The following CARMIL1 variants were observed in gnomAD, a reference collection of about 807,000 sequenced individuals.
CARMIL1 encodes F-actin-uncapping protein LRRC16A.
CARMIL1 carries 90 observed loss-of-function variants against 177.1 expected under a neutral mutation model. That is an observed-to-expected ratio of 0.51 (90% CI 0.43 to 0.61). The LOEUF (loss-of-function observed/expected upper bound fraction) is 0.61. CARMIL1 is among the 20% of genes least tolerant of loss of function. CARMIL1 has a pLI of 0.00. For missense variants in CARMIL1, 1,380 were observed against 1,667.0 expected, an observed-to-expected ratio of 0.83 and a Z score of 3.00; for synonymous variants, 577 against 606.2, an observed-to-expected ratio of 0.95 and a Z score of 0.71.
chr6:25,360,130 A>G (rs942771293), intron 2 of CARMIL1, among the ~76,000 whole-genome samples: 14 of 152,108 alleles, frequency 9.2e-5, no homozygotes, highest in Non-Finnish European at 1.9e-4. Flanking sequence ...GTCATTGTTC[A>G]TTGTCTTCCC....
At chr6:25,466,074 G>T (rs1371285898) in intron 9 of CARMIL1, 126 bp downstream of exon 9, 6 of 652,348 alleles carry the variant, frequency 9.2e-6, no homozygotes, top group Admixed American at 8.4e-5. Flanking sequence ...TCTTGAGGAG[G>T]TATTTTCCTT....
rs115430023 is a variant in CARMIL1 at position 25,355,293 on chromosome 6, A to G, written c.139-64821A>G. Among the ~76,000 whole-genome samples, 947 of 152,188 alleles carry G rather than the reference A, an allele frequency of 6.2e-3. 9 individuals carry two copies. Among genetic ancestry groups the G allele is most frequent in the African/African-American group, 0.019 (787 of 41,524 alleles). ...TCTTGGGCTAGACACCAGGAATACT[A>G]CTTTCCTCCTGATTACCTTTATTTT... On this transcript the variant is annotated intron_variant, in intron 2 of 36. Coordinates refer to ENST00000329474, the MANE Select transcript of CARMIL1 (RefSeq NM_017640.6).
chr6:25,340,777 G>GTTTTTTGTTTTT (rs1554167803), intron 2 of CARMIL1, among the ~76,000 whole-genome samples: 1 of 86,136 alleles, frequency 1.2e-5, no homozygotes, highest in African/African-American at 4.0e-5. Flanking sequence ...GTCAATGAAG[G>GTTTTTTGTTTTT]TTTTTTTTTT....
chr6:25,511,647 C>T (rs960086005), intron 20 of CARMIL1, among the ~76,000 whole-genome samples: 1 of 152,118 alleles, frequency 6.6e-6, no homozygotes, highest in Admixed American at 6.5e-5. Context: ...GTATCATTTT[C>T]CCTCCTGAAT....
intron 2 of CARMIL1, among the ~76,000 whole-genome samples, chr6:25,370,647 C>T (rs1790311776): frequency 6.6e-6 from 1 of 152,130 alleles, no homozygotes; most frequent in African/African-American, 2.4e-5. Flanking sequence ...TTGTCTGCCT[C>T]GTAGCTCTTC....
intron 8 of CARMIL1, chr6:25,452,003 C>CCCCACA: frequency 3.4e-6 from 1 of 294,088 alleles, no homozygotes; most frequent in Non-Finnish European, 6.9e-6. Context: ...CCTCCCCCCC[C>CCCCACA]CAGAATACTG....
chr6:25,397,876 A>G (rs1038905912), intron 2 of CARMIL1, among the ~76,000 whole-genome samples: 15 of 152,206 alleles, frequency 9.9e-5, no homozygotes, highest in African/African-American at 3.4e-4. Context: ...TAACATATAC[A>G]TAGATTTAAA....
At chr6:25,503,969 T>A (rs1340928549) in intron 17 of CARMIL1, among the ~76,000 whole-genome samples, 4 of 152,074 alleles carry the variant, frequency 2.6e-5, no homozygotes, top group Non-Finnish European at 5.9e-5. Context: ...GTGGGCTCCG[T>A]AAGAGCTCAA....
intron 13 of CARMIL1, 133 bp downstream of exon 13, chr6:25,488,718 G>A (rs1002627606): frequency 1.2e-5 from 9 of 736,694 alleles, no homozygotes; most frequent in African/African-American, 5.2e-5. Context: ...ATTTAGTTAC[G>A]AGCTTATGAA....
At chr6:25,614,894 T>C (rs1055248978) in intron 36 of CARMIL1, among the ~76,000 whole-genome samples, 1 of 152,244 alleles carries the variant, frequency 6.6e-6, no homozygotes, top group Non-Finnish European at 1.5e-5. Flanking sequence ...GTTCATGACC[T>C]CTTTAGCTTA....
chr6:25,574,166 A>G (rs1384069129), intron 29 of CARMIL1, among the ~76,000 whole-genome samples: 1 of 152,240 alleles, frequency 6.6e-6, no homozygotes, highest in African/African-American at 2.4e-5. Flanking sequence ...TCATTCAGAC[A>G]GGCTCCTATT....
intron 2 of CARMIL1, among the ~76,000 whole-genome samples, chr6:25,316,730 T>TA (rs1483613093): frequency 6.6e-6 from 1 of 152,084 alleles, no homozygotes; most frequent in African/African-American, 2.4e-5. Flanking sequence ...TAATTTTTTT[T>TA]AAAGACTAGT....
At chr6:25,537,643 G>A (rs1160301343) in intron 24 of CARMIL1, among the ~76,000 whole-genome samples, 2 of 152,210 alleles carry the variant, frequency 1.3e-5, no homozygotes, top group African/African-American at 4.8e-5. Flanking sequence ...TGGCATTAAA[G>A]TTGCCAAAGG....
chr6:25,485,022 G>T (rs954012649), intron 12 of CARMIL1, among the ~76,000 whole-genome samples: 1 of 152,110 alleles, frequency 6.6e-6, no homozygotes, highest in African/African-American at 2.4e-5. Context: ...GTGACAGAGT[G>T]AGAACCTGTC....
chr6:25,431,619 C>T lies in CARMIL1; in HGVS notation c.250-3864C>T, dbSNP rs534297923. Reference sequence around the variant, plus strand: ...TGGGATGGGAGCAGAAGGGCACTAGCGAAATGTTAATGCCAAGGTTATGTT... The same window carrying T: ...TGGGATGGGAGCAGAAGGGCACTAGTGAAATGTTAATGCCAAGGTTATGTT... On this transcript the variant is annotated intron_variant, in intron 4 of 36. Transcript: ENST00000329474. Among the ~76,000 whole-genome samples the T allele has an allele frequency of 6.2e-4, 93 of 151,172 alleles. No homozygotes were observed. In the South Asian group the frequency reaches 0.011, roughly 17 times the overall value.
At chr6:25,305,752 A>C (rs1783210581) in intron 2 of CARMIL1, among the ~76,000 whole-genome samples, 1 of 152,272 alleles carries the variant, frequency 6.6e-6, no homozygotes, top group African/African-American at 2.4e-5. Flanking sequence ...TCTTATGGGG[A>C]CTGGGAGAGA....
intron 24 of CARMIL1, 75 bp downstream of exon 24, chr6:25,528,968 C>A: frequency 8.9e-7 from 1 of 1,128,316 alleles, no homozygotes; most frequent in South Asian, 1.4e-5. Context: ...TTCTAGCATT[C>A]GAGTAATTTC....
At chr6:25,461,049 GC>G (rs1386558313) in intron 8 of CARMIL1, among the ~76,000 whole-genome samples, 2 of 152,124 alleles carry the variant, frequency 1.3e-5, no homozygotes, top group Admixed American at 6.5e-5. Flanking sequence ...ACAAAAGTAT[GC>G]CTATTTTGAT....
At chr6:25,532,482 C>G (rs1335136982) in intron 24 of CARMIL1, among the ~76,000 whole-genome samples, 6 of 152,110 alleles carry the variant, frequency 3.9e-5, no homozygotes, top group African/African-American at 1.4e-4. Flanking sequence ...TTATAATTAG[C>G]AGTTTTTAGA....
Sources: allele counts gnomAD v4.1 joint callset (sites outside exome capture counted in the v4.1 genomes callset), GRCh38; gene constraint gnomAD v4.1.1; transcripts MANE v1.5; gene names NCBI Gene and HGNC (gene_info 2026-07-23, HGNC 2026-07-21).